AIG1: variants seen among roughly 807,000 people sequenced by gnomAD.
The protein encoded by AIG1 is androgen-induced gene 1 protein.
In AIG1, 23 loss-of-function variants were observed where a neutral mutation model predicts 31.4. The ratio of observed to expected loss-of-function variants is 0.73; its 90% CI spans 0.53 to 1.04. The LOEUF is 1.04. Among genes scored for constraint, AIG1 ranks in the 50% least tolerant of loss-of-function variants. The pLI is 0.00. For synonymous variants in AIG1, 100 were observed against 110.5 expected (o/e 0.90, Z 0.60); for missense variants, 274 against 295.0 (o/e 0.93, Z 0.52).
At chr6:143,228,628 T>C (rs1055103314) in intron 3 of AIG1, among the ~76,000 whole-genome samples, 1 of 152,156 alleles carries the variant, frequency 6.6e-6, no homozygotes, top group Non-Finnish European at 1.5e-5. Flanking sequence ...TGGGACCACA[T>C]TTACTTGGAC....
At chr6:143,302,169 AAACT>A (rs1178366103) in intron 4 of AIG1, among the ~76,000 whole-genome samples, 1 of 151,574 alleles carries the variant, frequency 6.6e-6, no homozygotes, top group Non-Finnish European at 1.5e-5. Context: ...TTTTTCAGAG[AAACT>A]AACACTTTTA....
downstream of AIG1, chr6:143,342,984 A>G: frequency 1.0e-6 from 1 of 989,944 alleles, no homozygotes; most frequent in Non-Finnish European, 1.6e-6. Flanking sequence ...AGTTCATGGC[A>G]GTGTACCTAT....
At chr6:143,321,089 G>A (rs1776171106) in intron 4 of AIG1, among the ~76,000 whole-genome samples, 1 of 151,522 alleles carries the variant, frequency 6.6e-6, no homozygotes, top group African/African-American at 2.4e-5. Context: ...CAAAGTGCTG[G>A]GATTACAGGC....
At chr6:143,131,320 C>A (rs1562407563) in intron 1 of AIG1, among the ~76,000 whole-genome samples, 3 of 152,046 alleles carry the variant, frequency 2.0e-5, no homozygotes, top group Non-Finnish European at 4.4e-5. Flanking sequence ...CTATGGGAGA[C>A]AAAATTTTTT....
intron 1 of AIG1, among the ~76,000 whole-genome samples, chr6:143,071,704 G>C (rs7746122): frequency 0.88 from 132,207 of 150,702 alleles, 58,234 homozygotes; most frequent in Admixed American, 0.91. Context: ...TGTTGTTGTT[G>C]TTCTTCTTCT....
At chr6:143,273,054 G>C (rs981115383) in intron 3 of AIG1, among the ~76,000 whole-genome samples, 5 of 152,144 alleles carry the variant, frequency 3.3e-5, no homozygotes, top group African/African-American at 9.7e-5. Flanking sequence ...GCTTGAACCC[G>C]GGAGGCGGAG....
At chr6:143,335,943 C>T (rs1413911361) in intron 5 of AIG1, among the ~76,000 whole-genome samples, 1 of 95,424 alleles carries the variant, frequency 1.0e-5, no homozygotes, top group East Asian at 3.3e-4. Context: ...GTGAAACTCT[C>T]AGAAAAAAAA....
chr6:143,335,077 G>A (rs1583907897), intron 5 of AIG1: 3 of 1,455,970 alleles, frequency 2.1e-6, no homozygotes, highest in East Asian at 2.7e-5. Context: ...TATGTACCTA[G>A]GACCATCTAG....
intron 2 of AIG1, among the ~76,000 whole-genome samples, chr6:143,146,820 CA>C (rs1181435343): frequency 6.6e-6 from 1 of 152,206 alleles, no homozygotes; most frequent in Non-Finnish European, 1.5e-5. Flanking sequence ...ATGTGATTAC[CA>C]TTCCAATGAT....
At chr6:143,202,778 A>G (rs1790808023) in intron 3 of AIG1, among the ~76,000 whole-genome samples, 1 of 152,160 alleles carries the variant, frequency 6.6e-6, no homozygotes, top group Non-Finnish European at 1.5e-5. Context: ...CTAGAGCTTC[A>G]CTTCCCGGGA....
At chr6:143,229,861 A>T (rs1004597963) in intron 3 of AIG1, among the ~76,000 whole-genome samples, 19 of 151,438 alleles carry the variant, frequency 1.3e-4, no homozygotes, top group African/African-American at 4.6e-4. Context: ...ACTATTTCAT[A>T]TGCAACCTGT....
chr6:143,228,055 T>G (rs1793147432), intron 3 of AIG1, among the ~76,000 whole-genome samples: 1 of 152,190 alleles, frequency 6.6e-6, no homozygotes, highest in African/African-American at 2.4e-5. Flanking sequence ...TTAAAGCTGA[T>G]AAAAACTGAA....
intron 3 of AIG1, among the ~76,000 whole-genome samples, chr6:143,223,855 A>T (rs182490651): frequency 6.6e-6 from 1 of 152,344 alleles, no homozygotes; most frequent in Non-Finnish European, 1.5e-5. Context: ...ATTTATTTTA[A>T]ATTAAATTAC....
At chr6:143,122,432 C>T (rs908961775) in intron 1 of AIG1, among the ~76,000 whole-genome samples, 1 of 152,070 alleles carries the variant, frequency 6.6e-6, no homozygotes, top group African/African-American at 2.4e-5. Context: ...AAAGGATATG[C>T]ATCACTTTAA....
rs1419278353 is a variant in AIG1 at position 143,271,204 on chromosome 6, A to C, written c.400-12906A>C. ...GCTTAGTCACTGAAAAATACATGCC[A>C]GTGCATCCCAGCTCCAGAGCACCAT... On this transcript the variant is annotated intron_variant, in intron 3 of 5. Transcript: ENST00000357847. 6.6e-5 allele frequency among the ~76,000 whole-genome samples: 10 copies of C among 152,250 alleles called. 1 individual carries two copies. Among genetic ancestry groups the C allele is most frequent in the Admixed American group, 1.3e-4 (2 of 15,292 alleles).
At position 143,166,971 on chromosome 6, in the gene AIG1, A is replaced by T. The variant is rs568682010; in HGVS notation, c.399+1788A>T. ...ACATTAATTGATTCTTGATAAAAAC[A>T]GTTACATTGTATAGCTTTTATAACA... On this transcript the variant is annotated intron_variant, in intron 3 of 5. Coordinates refer to ENST00000357847, the MANE Select transcript of AIG1 (RefSeq NM_016108.4). 2.6e-5 allele frequency among the ~76,000 whole-genome samples: 4 copies of T among 152,348 alleles called. No homozygotes were observed. The South Asian group carries it at 8.3e-4, about 32-fold the overall frequency.
chr6:143,060,868 G>C (rs1407074638), upstream of AIG1: 13 of 1,203,556 alleles, frequency 1.1e-5, no homozygotes, highest in Admixed American at 3.4e-5. Flanking sequence ...CCGCGCGCCC[G>C]GCGCCTCCCT....
At chr6:143,271,485 A>G (rs749674820) in intron 3 of AIG1, among the ~76,000 whole-genome samples, 1 of 152,214 alleles carries the variant, frequency 6.6e-6, no homozygotes, top group Non-Finnish European at 1.5e-5. Flanking sequence ...AATTGCTCTT[A>G]TTGCTGCTAG....
At chr6:143,218,483 C>T (rs1001430379) in intron 3 of AIG1, among the ~76,000 whole-genome samples, 1 of 152,120 alleles carries the variant, frequency 6.6e-6, no homozygotes, top group Non-Finnish European at 1.5e-5. Context: ...ATAGGAAATT[C>T]GTTGCTATTT....
Sources: allele counts gnomAD v4.1 joint callset (sites outside exome capture counted in the v4.1 genomes callset), GRCh38; gene constraint gnomAD v4.1.1; transcripts MANE v1.5; gene names NCBI Gene and HGNC (gene_info 2026-07-23, HGNC 2026-07-21).